INPP4B: variants seen among roughly 807,000 people sequenced by gnomAD.
INPP4B encodes inositol polyphosphate 4-phosphatase type II.
INPP4B carries 55 observed loss-of-function variants against 122.5 expected under a neutral mutation model. That is an observed-to-expected ratio of 0.45 (90% CI 0.36 to 0.56). INPP4B has a LOEUF of 0.56. Ranked by LOEUF, INPP4B falls within the 20% of genes least tolerant of loss-of-function variation. The pLI is 0.00. For missense variants in INPP4B, 1,000 were observed against 1,097.7 expected (o/e 0.91, Z 1.26); for synonymous variants, 403 against 388.7 (o/e 1.04, Z -0.43).
At chr4:142,268,256 G>T (rs1222538972) in intron 10 of INPP4B, among the ~76,000 whole-genome samples, 1 of 137,968 alleles carries the variant, frequency 7.2e-6, no homozygotes, top group East Asian at 2.3e-4. Flanking sequence ...CCAGGAGGCA[G>T]AGCTTGAAGT....
At chr4:142,809,798 A>G (rs1197080661) in intron 1 of INPP4B, among the ~76,000 whole-genome samples, 1 of 152,000 alleles carries the variant, frequency 6.6e-6, no homozygotes, top group Non-Finnish European at 1.5e-5. Flanking sequence ...GTTGCAGCCA[A>G]TGACTCTGGA....
intron 2 of INPP4B, among the ~76,000 whole-genome samples, chr4:142,513,389 A>T (rs1317345987): frequency 6.6e-6 from 1 of 150,972 alleles, no homozygotes; most frequent in East Asian, 1.9e-4. Context: ...TAGGAGGGGC[A>T]AGGCCGCTCT....
At position 142,246,063 on chromosome 4, in the gene INPP4B, G is replaced by A. The variant is rs917855428; in HGVS notation, c.689-8052C>T. ...GTGTATACACACATTATATATATGT[G>A]TGTGTGTATACACACATTATATATA... On this transcript the variant is annotated intron_variant, in intron 11 of 25. Transcript: ENST00000262992. 1.7e-4 allele frequency among the ~76,000 whole-genome samples: 24 copies of A among 139,162 alleles called. 4 individuals carry two copies. Among genetic ancestry groups the A allele is most frequent in the African/African-American group, 6.0e-4 (21 of 34,716 alleles). The allele number at this position is 139,162 out of a possible 152,430, so 91.3% of individuals were successfully genotyped here.
intron 9 of INPP4B, among the ~76,000 whole-genome samples, chr4:142,280,293 A>T (rs1367118639): frequency 1.3e-5 from 2 of 151,990 alleles, no homozygotes; most frequent in Non-Finnish European, 2.9e-5. Flanking sequence ...GAAACAATAG[A>T]AATATCCTTT....
At chr4:142,578,763 CA>C (rs1224251807) in intron 2 of INPP4B, among the ~76,000 whole-genome samples, 1 of 151,966 alleles carries the variant, frequency 6.6e-6, no homozygotes, top group Non-Finnish European at 1.5e-5. Context: ...CAGCCCTTAA[CA>C]AATGCTGTCC....
intron 1 of INPP4B, among the ~76,000 whole-genome samples, chr4:142,825,908 G>A (rs2151167203): frequency 6.6e-6 from 1 of 152,228 alleles, no homozygotes; most frequent in African/African-American, 2.4e-5. Flanking sequence ...GTCCTATAAT[G>A]CTTAAGCTAG....
intron 1 of INPP4B, among the ~76,000 whole-genome samples, chr4:142,792,717 A>G (rs1776725584): frequency 6.6e-6 from 1 of 152,080 alleles, no homozygotes; most frequent in African/African-American, 2.4e-5. Context: ...ACCTAAGCAC[A>G]GCAGCTTTCC....
intron 11 of INPP4B, among the ~76,000 whole-genome samples, chr4:142,245,798 A>G (rs992206006): frequency 7.7e-6 from 1 of 130,480 alleles, no homozygotes; most frequent in Non-Finnish European, 1.6e-5. Context: ...GTATGTATAC[A>G]TATATATGTG....
At chr4:142,118,100 C>T (rs1229073760) in intron 21 of INPP4B, among the ~76,000 whole-genome samples, 11 of 152,080 alleles carry the variant, frequency 7.2e-5, no homozygotes, top group African/African-American at 2.7e-4. Context: ...TGTGAAGGAC[C>T]TCTGCAAGGA....
chr4:142,775,694 T>C (rs959576520), intron 1 of INPP4B, among the ~76,000 whole-genome samples: 10 of 152,202 alleles, frequency 6.6e-5, no homozygotes, highest in South Asian at 2.1e-4. Context: ...GTGAGTGAAA[T>C]ATCTATTTAG....
intron 2 of INPP4B, among the ~76,000 whole-genome samples, chr4:142,520,552 T>C (rs1208228496): frequency 8.6e-5 from 13 of 151,986 alleles, no homozygotes; most frequent in Non-Finnish European, 1.9e-4. Flanking sequence ...TTATTTATTA[T>C]TGTATTAAAA....
At chr4:142,103,268 T>C (rs1785363629) in intron 23 of INPP4B, among the ~76,000 whole-genome samples, 1 of 152,102 alleles carries the variant, frequency 6.6e-6, no homozygotes, top group African/African-American at 2.4e-5. Flanking sequence ...TTCTACTTTT[T>C]ATGGGATCCT....
At chr4:142,673,039 T>C (rs1757224034) in intron 2 of INPP4B, among the ~76,000 whole-genome samples, 1 of 152,144 alleles carries the variant, frequency 6.6e-6, no homozygotes, top group South Asian at 2.1e-4. Context: ...CACATGGCCA[T>C]CCTACTTCTG....
rs1814692328 is a variant in INPP4B at position 142,453,219 on chromosome 4, C to T, written c.-127+9444G>A. Among the ~76,000 whole-genome samples, 7 of 152,234 alleles carry T rather than the reference C, an allele frequency of 4.6e-5. 1 individual carries two copies. In the South Asian group the frequency reaches 1.4e-3, roughly 32 times the overall value. On this transcript the variant is annotated intron_variant, in intron 3 of 25. Coordinates refer to ENST00000262992, the MANE Select transcript of INPP4B (RefSeq NM_001101669.3). The stretch of plus-strand genomic sequence containing the variant: ...GAAATGTGGCCTCAGCACTGTCAGA[C>T]GTTTCAAAATCCTTATGCACACAGC...
rs142865370 is a variant in INPP4B at position 142,349,457 on chromosome 4, T to A, written c.373-34695A>T. 5.8e-3 allele frequency among the ~76,000 whole-genome samples: 884 copies of A among 152,074 alleles called. 9 individuals are homozygous for A. The highest frequency in any genetic ancestry group is 0.02 in the African/African-American group (828 of 41,524). ...AGCACTAAGTGGTCCTCTAAGAGAA[T>A]CAAAGTCCAACCACTCTCTTAGCAA... is the stretch of plus-strand genomic sequence containing the variant. On this transcript the variant is annotated intron_variant, in intron 7 of 25. Coordinates refer to ENST00000262992, the MANE Select transcript of INPP4B (RefSeq NM_001101669.3).
In INPP4B at chr4:142,260,578, T is replaced by TAAAAAA; in HGVS notation, c.616-20_616-15dup. 1 of 1,086,374 alleles carries TAAAAAA rather than the reference T, an allele frequency of 9.2e-7. No individual in the cohort carries two copies. Among genetic ancestry groups the TAAAAAA allele is most frequent in the Non-Finnish European group, 1.3e-6 (1 of 797,136 alleles). 67.3% of individuals were successfully genotyped at this position (1,086,374 alleles called of 1,614,324 possible). On this transcript the variant is annotated splice_polypyrimidine_tract_variant and intron_variant, in intron 10 of 25. Transcript: ENST00000262992. ...TACCAGGGCACACTAGGAAAAAATG[T>TAAAAAA]AAAAAAAAAAAAAAAATTTTGAGAA...
intron 14 of INPP4B, among the ~76,000 whole-genome samples, chr4:142,198,510 C>T (rs1839335685): frequency 6.6e-6 from 1 of 151,438 alleles, no homozygotes; most frequent in South Asian, 2.1e-4. Flanking sequence ...CCAGCGTTCT[C>T]CCATGCTTTT....
intron 15 of INPP4B, among the ~76,000 whole-genome samples, chr4:142,184,314 GA>G (rs1453243107): frequency 3.3e-5 from 5 of 152,140 alleles, no homozygotes; most frequent in African/African-American, 1.2e-4. Context: ...TCTTCTTTCG[GA>G]AGACGTAAAA....
chr4:142,128,625 T>C (rs1487154121), intron 18 of INPP4B, among the ~76,000 whole-genome samples: 1 of 152,136 alleles, frequency 6.6e-6, no homozygotes, highest in African/African-American at 2.4e-5. Context: ...CGGGAAAACA[T>C]AAAATGCATG....
Sources: gnomAD v4.1 joint callset for allele counts (sites outside exome capture counted in the v4.1 genomes callset) on GRCh38, gnomAD v4.1.1 for gene constraint, MANE v1.5 for transcripts, NCBI Gene and HGNC (gene_info 2026-07-23, HGNC 2026-07-21) for gene names.